Variants in VANGL2 observed in about 807,000 individuals in gnomAD.
The protein encoded by VANGL2 is vang-like protein 2.
Under a neutral mutation model 50.2 loss-of-function variants are expected in VANGL2, and 14 were observed. The observed-to-expected ratio is 0.28, with a 90% confidence interval of 0.18 to 0.44. The LOEUF is 0.44. VANGL2 is among the 20% of genes least tolerant of loss of function. The pLI, the probability that VANGL2 is intolerant of heterozygous loss-of-function variation, is 1.00. For synonymous variants in VANGL2, 295 were observed against 297.2 expected (o/e 0.99, Z 0.08); for missense variants, 533 against 701.5 (o/e 0.76, Z 2.71).
intron 7 of VANGL2, 54 bp from the exon 8 acceptor site, chr1:160,425,064 A>G: frequency 6.2e-7 from 1 of 1,613,672 alleles, no homozygotes; most frequent in Non-Finnish European, 8.5e-7. Context: ...TAGGGGATGA[A>G]GGACCGTGGG....
intron 7 of VANGL2, 55 bp from the exon 8 acceptor site, chr1:160,425,063 A>G: frequency 6.2e-7 from 1 of 1,613,630 alleles, no homozygotes; most frequent in Non-Finnish European, 8.5e-7. Flanking sequence ...CTAGGGGATG[A>G]AGGACCGTGG....
intron 1 of VANGL2, among the ~76,000 whole-genome samples, chr1:160,407,691 A>G (rs938527925): frequency 6.6e-6 from 1 of 152,138 alleles, no homozygotes; most frequent in Non-Finnish European, 1.5e-5. Flanking sequence ...TGGAGTGTAC[A>G]GGACACTCAC....
chr1:160,406,136 A>G (rs995252368), intron 1 of VANGL2, among the ~76,000 whole-genome samples: 3 of 152,216 alleles, frequency 2.0e-5, no homozygotes, highest in African/African-American at 7.2e-5. Flanking sequence ...TTTTATAGAT[A>G]AGGAAACTGA....
At chr1:160,421,014 T>G in intron 5 of VANGL2, 38 bp from the exon 6 acceptor site, 2 of 1,613,528 alleles carry the variant, frequency 1.2e-6, no homozygotes, top group Non-Finnish European at 1.7e-6. Flanking sequence ...GAGGCCACAC[T>G]CTGATGTGAC....
At chr1:160,402,205 G>T (rs1326521851) in intron 1 of VANGL2, among the ~76,000 whole-genome samples, 2 of 152,138 alleles carry the variant, frequency 1.3e-5, no homozygotes, top group Non-Finnish European at 2.9e-5. Context: ...AGTCCTAGAG[G>T]AATTTGGAAG....
chr1:160,410,380 G>C (rs1650834609), intron 1 of VANGL2, among the ~76,000 whole-genome samples: 2 of 152,018 alleles, frequency 1.3e-5, no homozygotes, highest in South Asian at 4.1e-4. Context: ...TACTCACCCT[G>C]GTTTCCACAG....
chr1:160,420,619 A>G, intron 5 of VANGL2, 72 bp downstream of exon 5: 1 of 1,609,146 alleles, frequency 6.2e-7, no homozygotes, highest in Non-Finnish European at 8.5e-7. Context: ...CCTCTCTTTT[A>G]CCCTTTGTCC....
chr1:160,424,609 C>T (rs879526111), intron 7 of VANGL2, among the ~76,000 whole-genome samples: 4 of 152,220 alleles, frequency 2.6e-5, no homozygotes, highest in Non-Finnish European at 4.4e-5. Context: ...CCTCCACTAG[C>T]TGGTCTTGGC....
rs12044330 is a variant in VANGL2, at chr1:160,427,016, A to G, written c.*1638A>G. On this transcript the variant is annotated 3_prime_UTR_variant, in exon 8 of 8. Coordinates refer to ENST00000368061, the MANE Select transcript of VANGL2 (RefSeq NM_020335.3). ...CCTGCTGTCCTTTCTGCAAAAGTTC[A>G]CTTGTTTACCCACCGCATGCTAGAG... is the stretch of plus-strand genomic sequence containing the variant. 1 of 152,570 alleles carries G rather than the reference A, an allele frequency of 6.6e-6. No homozygotes were observed. Among genetic ancestry groups the G allele is most frequent in the Non-Finnish European group, 1.5e-5 (1 of 68,088 alleles). The allele number at this position is 152,570 out of a possible 1,614,324, so 9.5% of individuals were successfully genotyped here.
rs767299238 is a variant in VANGL2 at position 160,424,272 on chromosome 1, A to G, written c.1294A>G (p.Met432Val). 2 of 1,613,988 alleles carry G rather than the reference A, an allele frequency of 1.2e-6. No homozygotes were observed. Among genetic ancestry groups the G allele is most frequent in the Admixed American group, 3.3e-5 (2 of 60,000 alleles). The change falls in exon 7 of 8, where the codon ATG becomes GTG. Residue 432 changes from methionine (M) to valine (V), a missense_variant. Met to Val is a conservative substitution (Grantham distance 21). Coordinates refer to ENST00000368061, the MANE Select transcript of VANGL2 (RefSeq NM_020335.3). ...CCTTGAATTCTGCATCACGCATGACATGACGCCCAAGGTAGGCCTGCCCTG... is the reference window on the plus strand; with the variant it reads ...CCTTGAATTCTGCATCACGCATGACGTGACGCCCAAGGTAGGCCTGCCCTG... Reference protein sequence around the residue: ...QHLEFCITHDMTPKAFLERYL... With the variant: ...QHLEFCITHDVTPKAFLERYL...
At position 160,414,801 on chromosome 1, in the gene VANGL2, G is replaced by GCTCCTATGAGGGGGTGGGGC. The variant is rs1192681468; in HGVS notation, c.-190-845_-190-826dup. On this transcript the variant is annotated intron_variant, in intron 1 of 7. Coordinates refer to ENST00000368061, the MANE Select transcript of VANGL2 (RefSeq NM_020335.3). ...AACATTGGGTCTAGAGTAGGTGGGG[G>GCTCCTATGAGGGGGTGGGGC]CTCCTATGAGGGGGTGGGGCCGGGC... Among the ~76,000 whole-genome samples the GCTCCTATGAGGGGGTGGGGC allele has an allele frequency of 5.7e-3, 828 of 144,636 alleles. 5 individuals carry two copies. The highest frequency in any genetic ancestry group is 8.9e-3 in the Non-Finnish European group (589 of 66,464). 94.9% of individuals were successfully genotyped at this position (144,636 alleles called of 152,430 possible). A position where few individuals can be genotyped will look rare whatever the true frequency, so the allele number is the denominator to read the frequency against.
rs1309139855 is a variant in VANGL2, at chr1:160,427,718, A to G, written c.*2340A>G. 6.6e-6 allele frequency: 1 copy of G among 152,282 alleles called. No homozygotes were observed. Among genetic ancestry groups the G allele is most frequent in the Admixed American group, 6.6e-5 (1 of 15,244 alleles). The allele number at this position is 152,282 out of a possible 1,614,324, so 9.4% of individuals were successfully genotyped here. ...GTGTGCAGCTGACTCAGTCCCTCTG[A>G]GCAGTTTCCCCACTGTGTCTGTCCC... On this transcript the variant is annotated 3_prime_UTR_variant, in exon 8 of 8. Transcript: ENST00000368061.
At chr1:160,416,621 C>T (rs768753790) in intron 3 of VANGL2, among the ~76,000 whole-genome samples, 1 of 152,116 alleles carries the variant, frequency 6.6e-6, no homozygotes, top group African/African-American at 2.4e-5. Context: ...AGAATGGCGT[C>T]ACCTAGATCT....
chr1:160,416,306 T>C, intron 3 of VANGL2, 124 bp downstream of exon 3: 1 of 1,513,524 alleles, frequency 6.6e-7, no homozygotes, highest in East Asian at 2.3e-5. Context: ...GATCGGGGAG[T>C]GTGTTTTGTG....
chr1:160,419,372 T>A lies in VANGL2; in HGVS notation c.563T>A (p.Leu188Gln). Residue 188 changes from leucine (L) to glutamine (Q), a missense_variant, in exon 4 of 8, where the codon CTG becomes CAG. Leu to Gln is a moderately radical substitution (Grantham distance 113). Coordinates refer to ENST00000368061, the MANE Select transcript of VANGL2 (RefSeq NM_020335.3). This position sits in a 1 kb window ranked among gnomAD's most constrained non-coding sequence, Gnocchi z 5.8. The part of the protein sequence containing the change: ...VFVLRALLMV[L>Q]VFLLVVSYWL... Reference sequence around the variant, plus strand: ...GTGCTGCGTGCCCTGCTTATGGTGCTGGTTTTCCTGCTCGTGGTCTCCTAC... The same window carrying A: ...GTGCTGCGTGCCCTGCTTATGGTGCAGGTTTTCCTGCTCGTGGTCTCCTAC... 2 of 1,612,390 alleles carry A rather than the reference T, an allele frequency of 1.2e-6. No homozygotes were observed. Among genetic ancestry groups the A allele is most frequent in the Non-Finnish European group, 1.7e-6 (2 of 1,180,020 alleles).
At chr1:160,418,902 TTC>T (rs1049077599) in intron 3 of VANGL2, 98 bp from the exon 4 acceptor site, 4 of 1,445,484 alleles carry the variant, frequency 2.8e-6, no homozygotes, top group Non-Finnish European at 2.8e-6. Context: ...CCATGTGTTC[TTC>T]TCTGTCTCCT....
At chr1:160,405,393 C>G (rs1650618666) in intron 1 of VANGL2, among the ~76,000 whole-genome samples, 1 of 152,158 alleles carries the variant, frequency 6.6e-6, no homozygotes, top group African/African-American at 2.4e-5. Context: ...CTGGATAGAA[C>G]TGTGGTGGGC....
Position 160,427,603 on chromosome 1 carries a change from G to A in VANGL2, c.*2225G>A, listed in dbSNP as rs1487765664. 1 of 149,560 alleles carries A rather than the reference G, an allele frequency of 6.7e-6. No individual in the cohort carries two copies. The highest frequency in any genetic ancestry group is 2.5e-5 in the African/African-American group (1 of 40,670). The allele number at this position is 149,560 out of a possible 1,614,324, so 9.3% of individuals were successfully genotyped here. The stretch of plus-strand genomic sequence containing the variant: ...TATTATTACTATTGTTTTTTAAAAT[G>A]TCAGGATGAATTGTCAGACATATGG... On this transcript the variant is annotated 3_prime_UTR_variant, in exon 8 of 8. Transcript: ENST00000368061.
chr1:160,413,508 C>T (rs1217190101), intron 1 of VANGL2, among the ~76,000 whole-genome samples: 3 of 152,038 alleles, frequency 2.0e-5, no homozygotes, highest in Non-Finnish European at 2.9e-5. Context: ...GTGATCCACC[C>T]GCCTTGGCCT....
Sources: allele counts gnomAD v4.1 joint callset (sites outside exome capture counted in the v4.1 genomes callset), GRCh38; gene constraint gnomAD v4.1.1; non-coding constraint Gnocchi (gnomAD v3.1); transcripts MANE v1.5; gene names NCBI Gene and HGNC (gene_info 2026-07-23, HGNC 2026-07-21).